Variants in NFATC2 observed in about 807,000 individuals in gnomAD.
NFATC2 encodes the protein nuclear factor of activated T-cells, cytoplasmic 2.
NFATC2 carries 22 observed loss-of-function variants against 87.3 expected under a neutral mutation model. That is an observed-to-expected ratio of 0.25 (90% CI 0.18 to 0.36). The LOEUF (loss-of-function observed/expected upper bound fraction) is 0.36. Ranked by LOEUF, NFATC2 falls within the 10% of genes least tolerant of loss-of-function variation. The pLI is 1.00. For synonymous variants in NFATC2, 565 were observed against 542.2 expected, an observed-to-expected ratio of 1.04 and a Z score of -0.58; for missense variants, 1,149 against 1,259.1, an observed-to-expected ratio of 0.91 and a Z score of 1.32.
chr20:51,399,330 T>TACATG (rs1283076626), intron 9 of NFATC2: 1 of 152,454 alleles, frequency 6.6e-6, no homozygotes, highest in Non-Finnish European at 1.5e-5. Flanking sequence ...TACTCCTCTC[T>TACATG]ACATGTGTAC....
chr20:51,540,390 C>T lies in NFATC2; in HGVS notation c.130+1980G>A, dbSNP rs146649552. Among the ~76,000 whole-genome samples the T allele has an allele frequency of 3.8e-3, 577 of 152,268 alleles. 4 individuals are homozygous for T. The highest frequency in any genetic ancestry group is 0.011 in the African/African-American group (449 of 41,558). On this transcript the variant is annotated intron_variant, in intron 1 of 10. Coordinates refer to ENST00000371564, the MANE Select transcript of NFATC2 (RefSeq NM_012340.5). ...GGGCTTCCTCCCGAAAACCTAGAGC[C>T]CTAGTCTAATGAAGGGACAGTCTAC...
intron 3 of NFATC2, 96 bp downstream of exon 3, chr20:51,516,688 T>C: frequency 7.5e-7 from 1 of 1,326,424 alleles, no homozygotes. Flanking sequence ...CTGAGACACA[T>C]ACCTCACCTT....
At chr20:51,476,662 A>G (rs1012278590) in intron 3 of NFATC2, among the ~76,000 whole-genome samples, 1 of 152,224 alleles carries the variant, frequency 6.6e-6, no homozygotes, top group Non-Finnish European at 1.5e-5. Context: ...TTGCCACAAA[A>G]TCTCTAGCAC....
chr20:51,439,610 G>C (rs1984043682), intron 6 of NFATC2, among the ~76,000 whole-genome samples: 2 of 152,164 alleles, frequency 1.3e-5, no homozygotes. Flanking sequence ...GCCCATGGGG[G>C]GCAGGGGGAA....
chr20:51,506,308 A>G (rs1478040194), intron 3 of NFATC2, among the ~76,000 whole-genome samples: 1 of 152,244 alleles, frequency 6.6e-6, no homozygotes, highest in Non-Finnish European at 1.5e-5. Context: ...TGCCCAAGCC[A>G]TTGAGCCATT....
chr20:51,562,763 G>T, upstream of NFATC2: 1 of 762,608 alleles, frequency 1.3e-6, no homozygotes, highest in Non-Finnish European at 2.0e-6. This position sits in a 1 kb window ranked among gnomAD's most constrained non-coding sequence, Gnocchi z 5.8. Flanking sequence ...GAGCGACCCG[G>T]GAGCTGCGCG....
chr20:51,503,732 C>T (rs2076129539), intron 3 of NFATC2, among the ~76,000 whole-genome samples: 1 of 152,232 alleles, frequency 6.6e-6, no homozygotes, highest in Non-Finnish European at 1.5e-5. Context: ...CTTCAGGCTG[C>T]TGTAGCCAAA....
intron 1 of NFATC2, among the ~76,000 whole-genome samples, chr20:51,557,685 G>A (rs894176912): frequency 1.3e-5 from 2 of 152,110 alleles, no homozygotes; most frequent in Non-Finnish European, 2.9e-5. Context: ...ATGAGAGTGC[G>A]GTCCTTCAGC....
chr20:51,553,106 C>A (rs936580720), intron 1 of NFATC2, among the ~76,000 whole-genome samples: 1 of 152,164 alleles, frequency 6.6e-6, no homozygotes, highest in Non-Finnish European at 1.5e-5. Flanking sequence ...GCAGATCCCG[C>A]CACTCCAGGC....
intron 1 of NFATC2, among the ~76,000 whole-genome samples, chr20:51,527,270 T>G (rs567358421): frequency 6.6e-6 from 1 of 152,080 alleles, no homozygotes; most frequent in Non-Finnish European, 1.5e-5. Flanking sequence ...TCCCCCTGCC[T>G]CAACAGCTCC....
At chr20:51,396,819 G>T (rs1024754224) in intron 10 of NFATC2, among the ~76,000 whole-genome samples, 5 of 152,082 alleles carry the variant, frequency 3.3e-5, no homozygotes, top group African/African-American at 1.2e-4. Context: ...TCCTCTCTGG[G>T]ATCTTCTGCC....
intron 9 of NFATC2, among the ~76,000 whole-genome samples, chr20:51,413,048 C>G (rs1056910356): frequency 6.9e-6 from 1 of 145,718 alleles, no homozygotes; most frequent in East Asian, 2.1e-4. Flanking sequence ...GTCCTGCTCT[C>G]CAGGCAGCCA....
intron 3 of NFATC2, 103 bp downstream of exon 3, chr20:51,516,681 A>T (rs2076356022): frequency 8.0e-7 from 1 of 1,245,116 alleles, no homozygotes; most frequent in South Asian, 1.5e-5. Flanking sequence ...TAAGAGGCTG[A>T]GACACATACC....
intron 1 of NFATC2, among the ~76,000 whole-genome samples, chr20:51,534,126 G>C (rs1306873815): frequency 1.3e-5 from 2 of 152,146 alleles, no homozygotes; most frequent in African/African-American, 4.8e-5. Flanking sequence ...CCTGGAGATA[G>C]CTACTCCGAA....
At chr20:51,543,004 A>G (rs1233339286), upstream of NFATC2, among the ~76,000 whole-genome samples, 1 of 152,120 alleles carries the variant, frequency 6.6e-6, no homozygotes, top group Non-Finnish European at 1.5e-5. Flanking sequence ...TGCCGCCACT[A>G]GGACTTTTGC....
intron 10 of NFATC2, 119 bp downstream of exon 10, chr20:51,398,524 T>C (rs1283254110): frequency 4.8e-6 from 3 of 628,418 alleles, no homozygotes; most frequent in Non-Finnish European, 8.1e-6. Flanking sequence ...AGCAGGAGAA[T>C]GAGAAGAGAG....
intron 10 of NFATC2, among the ~76,000 whole-genome samples, chr20:51,395,897 C>T (rs1987011244): frequency 6.6e-6 from 1 of 151,712 alleles, no homozygotes; most frequent in African/African-American, 2.4e-5. Context: ...CTCTTTCTCA[C>T]TAAGCACTGC....
chr20:51,494,045 C>T (rs181768315), intron 3 of NFATC2, among the ~76,000 whole-genome samples: 1 of 152,260 alleles, frequency 6.6e-6, no homozygotes, highest in East Asian at 1.9e-4. Flanking sequence ...AGAGTGGGTG[C>T]TCAGTGAGCG....
intron 9 of NFATC2, among the ~76,000 whole-genome samples, chr20:51,425,321 C>T (rs1292676193): frequency 6.6e-6 from 1 of 152,260 alleles, no homozygotes; most frequent in Admixed American, 6.5e-5. Flanking sequence ...TTATTGGTGT[C>T]GGCTCCAGGT....
Sources: allele counts gnomAD v4.1 joint callset (sites outside exome capture counted in the v4.1 genomes callset), GRCh38; gene constraint gnomAD v4.1.1; non-coding constraint Gnocchi (gnomAD v3.1); transcripts MANE v1.5; gene names NCBI Gene and HGNC (gene_info 2026-07-23, HGNC 2026-07-21).